ABCA4: variants seen among roughly 807,000 people sequenced by gnomAD.
ABCA4 encodes ATP binding cassette subfamily A member 4.
ABCA4 carries 196 observed loss-of-function variants against 263.7 expected under a neutral mutation model. That is an observed-to-expected ratio of 0.74 (90% CI 0.66 to 0.84). The LOEUF is 0.84. Among genes scored for constraint, ABCA4 ranks in the 40% least tolerant of loss-of-function variants. The pLI is 0.00. For missense variants in ABCA4, 2,792 were observed against 2,855.1 expected (o/e 0.98, Z 0.50); for synonymous variants, 1,133 against 1,094.2 (o/e 1.04, Z -0.70).
chr1:94,116,486 G>A (rs905812522), intron 1 of ABCA4, among the ~76,000 whole-genome samples: 1 of 152,122 alleles, frequency 6.6e-6, no homozygotes, highest in Non-Finnish European at 1.5e-5. Flanking sequence ...GGTAATGGTT[G>A]GTTGGTAATC....
chr1:94,080,457 A>G, intron 8 of ABCA4, 21 bp downstream of exon 8: 1 of 1,614,116 alleles, frequency 6.2e-7, no homozygotes, highest in Non-Finnish European at 8.5e-7. Flanking sequence ...CCAATTTATA[A>G]GCAGGACTCA....
chr1:94,079,402 A>G lies in ABCA4; in HGVS notation c.1159T>C (p.Trp387Arg). 1 of 1,614,190 alleles carries G rather than the reference A, an allele frequency of 6.2e-7. No homozygotes were observed. The highest frequency in any genetic ancestry group is 2.2e-5 in the East Asian group (1 of 44,882). ...LESNPLTKIA[W>R]RAAKPLLMGK... ...ATCAGCAAAGGCTTTGCCGCCCTCC[A>G]AGCGATTTTGGTTAAAGGATTTGAC... The change falls in exon 9 of 50, where the codon TGG becomes CGG. Residue 387 changes from tryptophan (W) to arginine (R), a missense_variant. Coordinates refer to ENST00000370225, the MANE Select transcript of ABCA4 (RefSeq NM_000350.3).
chr1:94,115,680 G>A (rs1045487666), intron 1 of ABCA4, among the ~76,000 whole-genome samples: 3 of 152,288 alleles, frequency 2.0e-5, no homozygotes, highest in South Asian at 2.1e-4. Context: ...TGTTAAACAC[G>A]AAAGCACAAT....
chr1:94,091,991 A>G (rs1038291483), intron 6 of ABCA4, among the ~76,000 whole-genome samples: 1 of 152,236 alleles, frequency 6.6e-6, no homozygotes, highest in African/African-American at 2.4e-5. Context: ...TCTTGTTGGC[A>G]TAGTATTTCT....
Position 94,008,190 on chromosome 1 carries a change from G to A in ABCA4, c.5898+45C>T, listed in dbSNP as rs1308194961. 4.4e-6 allele frequency: 7 copies of A among 1,575,184 alleles called. 1 individual carries two copies. In the South Asian group the frequency reaches 6.6e-5, roughly 15 times the overall value. On this transcript the variant is annotated intron_variant, in intron 42 of 49. Transcript: ENST00000370225. ...ATGGGGAGGAGAGGCAGGCACAAGA[G>A]CTGATGTTCGGAAGCCTTTCACACG...
chr1:94,053,615 C>CA (rs1476799028), intron 16 of ABCA4, among the ~76,000 whole-genome samples: 2 of 152,184 alleles, frequency 1.3e-5, no homozygotes, highest in Non-Finnish European at 2.9e-5. Flanking sequence ...GGCAGAATGC[C>CA]ATGTGCAGAC....
In ABCA4 at chr1:94,080,673, G is replaced by T; in HGVS notation, c.904C>A (p.Pro302Thr). The T allele has an allele frequency of 6.2e-7, 1 of 1,614,140 alleles. No individual in the cohort carries two copies. The highest frequency in any genetic ancestry group is 8.5e-7 in the Non-Finnish European group (1 of 1,180,038). ...TCTGGACCACCATTCTGCATGAGGG[G>T]CCTGGTCACCCACAGCAAGTCCTGC... ...SMQDLLWVTR[P>T]LMQNGGPETF... Residue 302 changes from proline to threonine, a missense_variant, in exon 8 of 50, where the codon CCC becomes ACC. Coordinates refer to ENST00000370225, the MANE Select transcript of ABCA4 (RefSeq NM_000350.3).
At chr1:94,046,577 G>A (rs1277513648) in intron 19 of ABCA4, among the ~76,000 whole-genome samples, 2 of 152,074 alleles carry the variant, frequency 1.3e-5, no homozygotes, top group Non-Finnish European at 2.9e-5. Context: ...GAGATGGGGG[G>A]AAAGACTCAA....
intron 44 of ABCA4, among the ~76,000 whole-genome samples, chr1:94,004,479 T>C (rs1161821200): frequency 6.6e-6 from 1 of 152,212 alleles, no homozygotes. Flanking sequence ...TTATTTGTAG[T>C]TCTTCTCCCC....
At chr1:94,047,834 C>T (rs1162355800) in intron 18 of ABCA4, among the ~76,000 whole-genome samples, 1 of 152,172 alleles carries the variant, frequency 6.6e-6, no homozygotes, top group African/African-American at 2.4e-5. Flanking sequence ...AGACCCTCAC[C>T]GAGTGCTCTC....
intron 14 of ABCA4, among the ~76,000 whole-genome samples, chr1:94,059,101 A>G (rs1206088377): frequency 2.6e-5 from 4 of 152,246 alleles, no homozygotes; most frequent in Non-Finnish European, 4.4e-5. Flanking sequence ...GCCCATTCTT[A>G]GGAGGGCAGA....
chr1:94,083,958 C>A (rs939879248), intron 6 of ABCA4, among the ~76,000 whole-genome samples: 6 of 152,206 alleles, frequency 3.9e-5, no homozygotes, highest in Admixed American at 6.5e-5. Context: ...GCTACATCAC[C>A]TTTATTTTAA....
At chr1:94,023,845 A>G (rs1044983518) in intron 31 of ABCA4, among the ~76,000 whole-genome samples, 2 of 152,144 alleles carry the variant, frequency 1.3e-5, no homozygotes, top group African/African-American at 4.8e-5. Flanking sequence ...CCACAGCCCA[A>G]AGTTAAGGCA....
chr1:94,001,129 G>C (rs1467074644), intron 45 of ABCA4, 24 bp from the exon 46 acceptor site: 1 of 1,591,718 alleles, frequency 6.3e-7, no homozygotes, highest in Non-Finnish European at 8.6e-7. Flanking sequence ...AGAAGGTTGG[G>C]GGCACAGGCT....
chr1:94,000,787 A>C, intron 47 of ABCA4, 49 bp downstream of exon 47: 1 of 1,573,164 alleles, frequency 6.4e-7, no homozygotes, highest in Non-Finnish European at 8.8e-7. Flanking sequence ...CACAGGATCC[A>C]GGTGGATCCA....
chr1:94,031,763 G>A lies in ABCA4; in HGVS notation c.4128+15C>T, dbSNP rs370303729. 3.7e-5 allele frequency: 60 copies of A among 1,612,884 alleles called. No homozygotes were observed. The highest frequency in any genetic ancestry group is 4.9e-5 in the Non-Finnish European group (58 of 1,180,020). ...GAGCCACTGAGCTCAGCTAAACACC[G>A]ACCGACAATAGTACCTGCGCCAGGA... On this transcript the variant is annotated intron_variant, in intron 27 of 49. Transcript: ENST00000370225.
Position 94,042,788 on chromosome 1 carries a change from A to C in ABCA4, c.3301T>G (p.Trp1101Gly). 6.2e-7 allele frequency: 1 copy of C among 1,614,218 alleles called. No individual in the cohort carries two copies. ...GVDPYSRRSIWDLLLKYRSGR... is the reference protein window; with the variant it reads ...GVDPYSRRSIGDLLLKYRSGR... Reference sequence around the variant, plus strand: ...GAGCGATACTTCAGGAGCAGATCCCAGATTGAGCGTCTCGAGTAAGGGTCC... The same window carrying C: ...GAGCGATACTTCAGGAGCAGATCCCCGATTGAGCGTCTCGAGTAAGGGTCC... The change falls in exon 22 of 50, where the codon TGG becomes GGG. Residue 1101 changes from tryptophan to glycine, a missense_variant. Trp to Gly is a radical substitution (Grantham distance 184, BLOSUM62 -2). Transcript: ENST00000370225.
At chr1:94,045,801 G>A (rs1660654241) in intron 19 of ABCA4, 2 of 456,178 alleles carry the variant, frequency 4.4e-6, no homozygotes, top group Non-Finnish European at 8.8e-6. Context: ...ACACGCTGTT[G>A]TTCCTTCCTG....
intron 6 of ABCA4, among the ~76,000 whole-genome samples, 160 bp from the exon 7 acceptor site, chr1:94,083,601 C>A (rs1479695674): frequency 1.3e-5 from 2 of 152,190 alleles, no homozygotes; most frequent in Non-Finnish European, 2.9e-5. Flanking sequence ...ACAAAAAACT[C>A]TTTTATTTAA....
Sources: allele counts gnomAD v4.1 joint callset (sites outside exome capture counted in the v4.1 genomes callset), GRCh38; gene constraint gnomAD v4.1.1; transcripts MANE v1.5; gene names NCBI Gene and HGNC (gene_info 2026-07-23, HGNC 2026-07-21).